ROBO1: variants seen among roughly 807,000 people sequenced by gnomAD.
The protein encoded by ROBO1 is roundabout guidance receptor 1.
In ROBO1, 149 loss-of-function variants were observed where a neutral mutation model predicts 195.9. The observed-to-expected ratio is 0.76, with a 90% confidence interval of 0.67 to 0.87. The LOEUF is 0.87. Ranked by LOEUF, ROBO1 falls within the 40% of genes least tolerant of loss-of-function variation. The pLI is 0.00. For synonymous variants in ROBO1, 816 were observed against 733.2 expected, an observed-to-expected ratio of 1.11 and a Z score of -1.82; for missense variants, 1,933 against 2,068.3, an observed-to-expected ratio of 0.93 and a Z score of 1.27.
intron 28 of ROBO1, 74 bp from the exon 29 acceptor site, chr3:78,607,115 T>C: frequency 7.2e-7 from 1 of 1,386,556 alleles, no homozygotes; most frequent in Non-Finnish European, 9.8e-7. Flanking sequence ...GGATTATCAT[T>C]GGAGCCACAT....
chr3:79,139,492 C>G (rs1479299654), intron 2 of ROBO1, among the ~76,000 whole-genome samples: 1 of 151,968 alleles, frequency 6.6e-6, no homozygotes, highest in Admixed American at 6.6e-5. Flanking sequence ...GATGTCTAAA[C>G]GTTTGGTTTA....
At chr3:79,010,870 G>A (rs868621405) in intron 3 of ROBO1, among the ~76,000 whole-genome samples, 8 of 152,046 alleles carry the variant, frequency 5.3e-5, no homozygotes, top group African/African-American at 1.9e-4. Context: ...AAAGCTTTAC[G>A]TCTCCCCAGT....
At position 79,243,545 on chromosome 3, in the gene ROBO1, A is replaced by T. The variant is rs1268739093; in HGVS notation, c.89-118006T>A. Among the ~76,000 whole-genome samples the T allele has an allele frequency of 2.6e-5, 4 of 152,124 alleles. No individual in the cohort carries two copies. The South Asian group carries it at 8.3e-4, about 31-fold the overall frequency. The stretch of plus-strand genomic sequence containing the variant: ...ACCATTCTAACTGGTGTGAGATGGT[A>T]TCTCACTGTGGTTTTGATTTGCATT... On this transcript the variant is annotated intron_variant, in intron 2 of 30. Coordinates refer to ENST00000464233, the MANE Select transcript of ROBO1 (RefSeq NM_002941.4).
chr3:79,146,591 G>A lies in ROBO1; in HGVS notation c.89-21052C>T, dbSNP rs533323669. Among the ~76,000 whole-genome samples the A allele has an allele frequency of 2.1e-4, 32 of 151,932 alleles. 1 individual carries two copies. In the South Asian group the frequency reaches 6.2e-3, roughly 30 times the overall value. On this transcript the variant is annotated intron_variant, in intron 2 of 30. Transcript: ENST00000464233. ...ACATATGCATATATCCTGGACTTAT[G>A]TGAAGTATGCAGATATCTGTGGTAA...
intron 1 of ROBO1, among the ~76,000 whole-genome samples, chr3:79,760,465 C>T (rs1482786528): frequency 7.8e-6 from 1 of 128,962 alleles, no homozygotes; most frequent in Non-Finnish European, 1.7e-5. Flanking sequence ...AAAGATAAAA[C>T]AGCCTAGGAA....
In ROBO1 at chr3:78,636,099, A is replaced by G. The variant is rs575729895; in HGVS notation, c.3047T>C (p.Ile1016Thr). The change falls in exon 23 of 31, where the codon ATA becomes ACA. Residue 1016 changes from isoleucine to threonine, a missense_variant. Around this residue, in one of 3 missense-constraint regions of ROBO1, gnomAD observed 1,737 missense variants for 1,882.5 expected, o/e 0.92. Transcript: ENST00000464233. Reference sequence around the variant, plus strand: ...ATCCAGTTGGTTGTTATAATTTGCTATACAATCAGCTATGTGCAATGGAGA... The same window carrying G: ...ATCCAGTTGGTTGTTATAATTTGCTGTACAATCAGCTATGTGCAATGGAGA... Reference protein sequence around the residue: ...LTTYSRPADCIANYNNQLDNK... With the variant: ...LTTYSRPADCTANYNNQLDNK... 3.1e-6 allele frequency: 5 copies of G among 1,609,908 alleles called. No homozygotes were observed. The South Asian group carries it at 5.5e-5, about 18-fold the overall frequency.
intron 5 of ROBO1, among the ~76,000 whole-genome samples, chr3:78,729,790 T>C (rs1048682198): frequency 3.3e-5 from 5 of 152,234 alleles, no homozygotes; most frequent in African/African-American, 4.8e-5. Flanking sequence ...GATTTTTACC[T>C]CTATGAAAAT....
intron 3 of ROBO1, among the ~76,000 whole-genome samples, chr3:78,961,152 C>T (rs2041325347): frequency 6.6e-6 from 1 of 152,052 alleles, no homozygotes; most frequent in Admixed American, 6.5e-5. Context: ...ACTTCTGCAA[C>T]CTTTGAACTT....
At chr3:79,715,546 C>T (rs1702449677) in intron 1 of ROBO1, among the ~76,000 whole-genome samples, 1 of 152,058 alleles carries the variant, frequency 6.6e-6, no homozygotes, top group Non-Finnish European at 1.5e-5. Flanking sequence ...TAATGTAGTA[C>T]AGTATTATGT....
intron 2 of ROBO1, among the ~76,000 whole-genome samples, chr3:79,476,459 G>A (rs1400639372): frequency 1.3e-5 from 2 of 151,950 alleles, no homozygotes; most frequent in African/African-American, 4.8e-5. Context: ...ACTTGCACAC[G>A]CATGTTTATA....
chr3:78,944,657 C>T (rs887415405), intron 3 of ROBO1, among the ~76,000 whole-genome samples: 40 of 152,344 alleles, frequency 2.6e-4, no homozygotes, highest in Middle Eastern at 3.4e-3. Flanking sequence ...GAGTGCCAGA[C>T]AGTAGGTGCA....
At chr3:78,711,456 C>T (rs148749787) in intron 8 of ROBO1, among the ~76,000 whole-genome samples, 17,804 of 99,802 alleles carry the variant, frequency 0.18, 2,782 homozygotes, top group African/African-American at 0.24. Context: ...TCCTTCCTTC[C>T]TTCCTTCCTT....
chr3:79,113,837 C>T (rs1260917838), intron 3 of ROBO1, among the ~76,000 whole-genome samples: 2 of 152,120 alleles, frequency 1.3e-5, no homozygotes, highest in Non-Finnish European at 2.9e-5. Flanking sequence ...TCCCATTAAG[C>T]TTAACTCTTT....
At chr3:79,021,000 A>G (rs554042667) in intron 3 of ROBO1, among the ~76,000 whole-genome samples, 1 of 152,202 alleles carries the variant, frequency 6.6e-6, no homozygotes, top group African/African-American at 2.4e-5. Context: ...CAAATTGTAC[A>G]TTGATTTTGG....
chr3:79,550,113 A>G (rs1942422283), intron 2 of ROBO1, among the ~76,000 whole-genome samples: 1 of 150,782 alleles, frequency 6.6e-6, no homozygotes, highest in South Asian at 2.1e-4. Context: ...TGACAGAGCA[A>G]GACTCCATCT....
intron 30 of ROBO1, 48 bp downstream of exon 30, chr3:78,600,065 A>G: frequency 6.7e-7 from 1 of 1,495,770 alleles, no homozygotes; most frequent in Non-Finnish European, 9.3e-7. Flanking sequence ...AACTACATAA[A>G]ACAACCACAG....
At chr3:79,276,402 A>T (rs2031038256) in intron 2 of ROBO1, among the ~76,000 whole-genome samples, 1 of 152,094 alleles carries the variant, frequency 6.6e-6, no homozygotes, top group Non-Finnish European at 1.5e-5. Context: ...TGCTAGGAAA[A>T]CTGAATATCC....
chr3:79,008,549 C>T, intron 3 of ROBO1, among the ~76,000 whole-genome samples: 1 of 151,216 alleles, frequency 6.6e-6, no homozygotes, highest in East Asian at 1.9e-4. Context: ...TACAAAGTAA[C>T]ATATACATGT....
intron 2 of ROBO1, among the ~76,000 whole-genome samples, chr3:79,178,396 G>A (rs769115493): frequency 5.3e-5 from 8 of 152,170 alleles, no homozygotes; most frequent in South Asian, 2.1e-4. Context: ...ATAAACATCC[G>A]CATAAGGAAA....
Sources: allele counts gnomAD v4.1 joint callset (sites outside exome capture counted in the v4.1 genomes callset), GRCh38; gene constraint gnomAD v4.1.1; regional missense constraint gnomAD v4.1.1; transcripts MANE v1.5; gene names NCBI Gene and HGNC (gene_info 2026-07-23, HGNC 2026-07-21).